The following ZNG1B variants were observed in gnomAD, a reference collection of about 807,000 sequenced individuals.
ZNG1B encodes the protein Zn regulated GTPase metalloprotein activator 1B, also known as zinc-regulated GTPase metalloprotein activator 1B.
At chr2:113,469,200 G>A in the ZNG1B span, 1 of 152,036 alleles carries the variant, frequency 6.6e-6, no homozygotes, top group Non-Finnish European at 1.5e-5. Flanking sequence ...TTGGAGTGCG[G>A]TGGTGCGATC....
At chr2:113,450,490 AT>A in the ZNG1B span, among the ~76,000 whole-genome samples, 5 of 149,604 alleles carry the variant, frequency 3.3e-5, no homozygotes, top group Non-Finnish European at 5.9e-5. Flanking sequence ...CTACAAACGC[AT>A]TTTCATCTTA....
chr2:113,438,791 G>A, the ZNG1B span, among the ~76,000 whole-genome samples: 1 of 152,164 alleles, frequency 6.6e-6, no homozygotes, highest in Non-Finnish European at 1.5e-5. Context: ...TGTATTAGAA[G>A]TTTGGAAAAA....
the ZNG1B span, among the ~76,000 whole-genome samples, chr2:113,487,084 T>C: frequency 6.6e-6 from 1 of 152,052 alleles, no homozygotes; most frequent in African/African-American, 2.4e-5. Flanking sequence ...AGTATAGTCA[T>C]GCACCGCATA....
At chr2:113,453,377 C>G in the ZNG1B span, among the ~76,000 whole-genome samples, 268 of 151,978 alleles carry the variant, frequency 1.8e-3, no homozygotes, top group African/African-American at 6.2e-3. Context: ...CTCAGCCTCC[C>G]GAGTAGCTGG....
the ZNG1B span, among the ~76,000 whole-genome samples, chr2:113,442,762 A>T: frequency 6.6e-6 from 1 of 152,196 alleles, no homozygotes; most frequent in Non-Finnish European, 1.5e-5. Flanking sequence ...GCTGAAATAT[A>T]AAAAATACGT....
chr2:113,475,629 G>A, the ZNG1B span, among the ~76,000 whole-genome samples: 7 of 151,902 alleles, frequency 4.6e-5, no homozygotes, highest in Non-Finnish European at 1.0e-4. Context: ...GGCTGGTACC[G>A]GTTGTTCCTT....
At chr2:113,445,164 C>A in the ZNG1B span, 4 of 1,459,488 alleles carry the variant, frequency 2.7e-6, no homozygotes, top group Non-Finnish European at 3.7e-6. Context: ...TAGTATTAAA[C>A]CAAAAACTTT....
At chr2:113,483,835 A>G in the ZNG1B span, among the ~76,000 whole-genome samples, 2 of 152,262 alleles carry the variant, frequency 1.3e-5, no homozygotes, top group African/African-American at 4.8e-5. Flanking sequence ...GTAGTGTATT[A>G]AAGCAAATTC....
chr2:113,457,519 C>T, the ZNG1B span, among the ~76,000 whole-genome samples: 46 of 141,852 alleles, frequency 3.2e-4, no homozygotes, highest in East Asian at 6.5e-4. Flanking sequence ...TCTCTTTTTT[C>T]GGTCCGGCTT....
At chr2:113,478,552 A>G in the ZNG1B span, among the ~76,000 whole-genome samples, 1 of 151,906 alleles carries the variant, frequency 6.6e-6, no homozygotes, top group Non-Finnish European at 1.5e-5. Flanking sequence ...AAGTGCTGGG[A>G]TTACATGTGT....
the ZNG1B span, among the ~76,000 whole-genome samples, chr2:113,476,589 C>T: frequency 4.0e-5 from 6 of 148,950 alleles, no homozygotes; most frequent in Non-Finnish European, 8.9e-5. Flanking sequence ...GGAGGAGAGG[C>T]GCTCTGCTTT....
the ZNG1B span, among the ~76,000 whole-genome samples, chr2:113,453,389 A>G: frequency 6.6e-6 from 1 of 151,928 alleles, no homozygotes; most frequent in East Asian, 1.9e-4. Flanking sequence ...AGTAGCTGGG[A>G]CTACAGGCGT....
the ZNG1B span, among the ~76,000 whole-genome samples, chr2:113,487,095 A>G: frequency 6.6e-6 from 1 of 152,136 alleles, no homozygotes; most frequent in Admixed American, 6.5e-5. Flanking sequence ...GCACCGCATA[A>G]CAGCGTTTTA....
At chr2:113,494,641 A>G in the ZNG1B span, 1 of 883,912 alleles carries the variant, frequency 1.1e-6, no homozygotes, top group Non-Finnish European at 1.4e-6. Flanking sequence ...GCTCATATTC[A>G]GATAAATATA....
At chr2:113,473,339 A>G in the ZNG1B span, among the ~76,000 whole-genome samples, 2 of 146,782 alleles carry the variant, frequency 1.4e-5, no homozygotes, top group East Asian at 4.3e-4. Flanking sequence ...TTGATTTTGT[A>G]TCCTGAGACT....
the ZNG1B span, among the ~76,000 whole-genome samples, chr2:113,476,837 AG>A: frequency 1.3e-5 from 2 of 152,230 alleles, 1 homozygote; most frequent in East Asian, 3.9e-4. Flanking sequence ...CTCGGGGGTC[AG>A]GGGTCAGGGT....
the ZNG1B span, among the ~76,000 whole-genome samples, chr2:113,490,148 A>G: frequency 6.6e-6 from 1 of 152,046 alleles, no homozygotes; most frequent in Non-Finnish European, 1.5e-5. Flanking sequence ...AGAAAATTAA[A>G]ATTATATCAA....
the ZNG1B span, among the ~76,000 whole-genome samples, chr2:113,487,895 CA>C: frequency 3.5e-3 from 539 of 151,914 alleles, 7 homozygotes; most frequent in African/African-American, 0.012. Context: ...CTTCTCTTAT[CA>C]AGCAAGAAAG....
the ZNG1B span, chr2:113,457,034 T>C: frequency 2.2e-6 from 1 of 454,624 alleles, no homozygotes; most frequent in Non-Finnish European, 4.4e-6. Flanking sequence ...TTGTCACCCA[T>C]TGATCTGAAA....
Sources: allele counts gnomAD v4.1 joint callset (sites outside exome capture counted in the v4.1 genomes callset), GRCh38; gene constraint gnomAD v4.1.1; transcripts MANE v1.5; gene names NCBI Gene and HGNC (gene_info 2026-07-23, HGNC 2026-07-21).